The following RPH3A variants were observed in gnomAD, a reference collection of about 807,000 sequenced individuals.
RPH3A encodes rabphilin-3A.
A neutral mutation model predicts 102.2 loss-of-function variants in RPH3A; 48 were observed. The ratio of observed to expected loss-of-function variants is 0.47; its 90% CI spans 0.37 to 0.60. The LOEUF is 0.60. Among genes scored for constraint, RPH3A ranks in the 20% least tolerant of loss-of-function variants. The pLI is 0.00. For synonymous variants in RPH3A, 310 were observed against 324.3 expected (o/e 0.96, Z 0.47); for missense variants, 781 against 910.1 (o/e 0.86, Z 1.83).
intron 1 of RPH3A, among the ~76,000 whole-genome samples, chr12:112,600,786 C>G (rs1311935174): frequency 6.6e-6 from 1 of 152,078 alleles, no homozygotes; most frequent in Non-Finnish European, 1.5e-5. Context: ...ACCTCAGTAC[C>G]AATTTACTAT....
intron 1 of RPH3A, among the ~76,000 whole-genome samples, chr12:112,697,866 A>C (rs541307563): frequency 1.4e-5 from 2 of 147,458 alleles, no homozygotes; most frequent in South Asian, 4.2e-4. Flanking sequence ...ACTCCATCTC[A>C]AAAAAAAAAA....
In RPH3A at chr12:112,772,206, T is replaced by G. The variant is rs138327331; in HGVS notation, c.-139-19937T>G. Among the ~76,000 whole-genome samples, 1,292 of 152,322 alleles carry G rather than the reference T, an allele frequency of 8.5e-3. 17 individuals carry two copies. Among genetic ancestry groups the G allele is most frequent in the African/African-American group, 0.029 (1,219 of 41,568 alleles). ...TGATGCAAATCCATGTCAGTCCCTC[T>G]TCCGGCAAGTCACCCAATTCCTCCT... On this transcript the variant is annotated intron_variant, in intron 1 of 21. Transcript: ENST00000543106.
At chr12:112,637,780 C>T (rs1217237375) in intron 1 of RPH3A, among the ~76,000 whole-genome samples, 3 of 152,108 alleles carry the variant, frequency 2.0e-5, no homozygotes, top group African/African-American at 7.2e-5. Flanking sequence ...TCATCAACAG[C>T]AAGAGCAGTG....
chr12:112,762,985 AT>A (rs1441928540), intron 1 of RPH3A, among the ~76,000 whole-genome samples: 1 of 152,216 alleles, frequency 6.6e-6, no homozygotes, highest in Non-Finnish European at 1.5e-5. Context: ...GTCAAAGGTC[AT>A]TCCCCAAGGA....
chr12:112,663,957 T>C (rs929987913), intron 1 of RPH3A, among the ~76,000 whole-genome samples: 1 of 152,182 alleles, frequency 6.6e-6, no homozygotes, highest in African/African-American at 2.4e-5. Context: ...CAGACTCTGA[T>C]TGACTAATTG....
At chr12:112,862,100 A>C (rs1404685115) in intron 5 of RPH3A, among the ~76,000 whole-genome samples, 1 of 151,822 alleles carries the variant, frequency 6.6e-6, no homozygotes, top group Non-Finnish European at 1.5e-5. Context: ...CAAGAGGATC[A>C]TTTGAGACCA....
At chr12:112,713,048 T>C (rs1378202812) in intron 1 of RPH3A, among the ~76,000 whole-genome samples, 21 of 72,356 alleles carry the variant, frequency 2.9e-4, no homozygotes, top group East Asian at 7.2e-4. Context: ...TTCTTCTTCT[T>C]CTCCTTCTTC....
chr12:112,779,713 G>A (rs1250947665), intron 1 of RPH3A, among the ~76,000 whole-genome samples: 1 of 152,104 alleles, frequency 6.6e-6, no homozygotes, highest in African/African-American at 2.4e-5. Context: ...TCCACTGTAT[G>A]GAGGGTTGAA....
At chr12:112,632,955 G>T (rs1414352442) in intron 1 of RPH3A, among the ~76,000 whole-genome samples, 2 of 152,078 alleles carry the variant, frequency 1.3e-5, no homozygotes, top group Non-Finnish European at 1.5e-5. Context: ...TACTGTAGGA[G>T]GCCAAGGCAG....
In RPH3A at chr12:112,875,092, C is replaced by T. The variant is rs760123095; in HGVS notation, c.805C>T (p.Arg269Trp). ...TTTTCTTTCCTCTGCAGGTTTGAGA[C>T]GGGCCAACTCAGTCCAGGCCTCCAG... The part of the protein sequence containing the change: ...DSSRSPAGLR[R>W]ANSVQASRPA... The change falls in exon 11 of 22, where the codon CGG becomes TGG. Residue 269 changes from arginine to tryptophan, a missense_variant. This residue lies in a region of RPH3A where 730 missense variants were observed against 810.0 expected (regional missense o/e 0.90). Coordinates refer to ENST00000389385, the MANE Select transcript of RPH3A (RefSeq NM_001143854.2). 125 of 1,607,820 alleles carry T rather than the reference C, an allele frequency of 7.8e-5. No individual in the cohort carries two copies. Among genetic ancestry groups the T allele is most frequent in the East Asian group, 3.8e-4 (17 of 44,722 alleles).
intron 1 of RPH3A, among the ~76,000 whole-genome samples, chr12:112,639,190 G>T (rs941410679): frequency 2.0e-5 from 3 of 152,152 alleles, no homozygotes; most frequent in African/African-American, 7.2e-5. Flanking sequence ...GGACTGGTAA[G>T]TAGAAGGTGA....
chr12:112,734,955 G>A (rs1471441668), intron 1 of RPH3A, among the ~76,000 whole-genome samples: 1 of 152,124 alleles, frequency 6.6e-6, no homozygotes, highest in Non-Finnish European at 1.5e-5. Flanking sequence ...TGTATCTTGT[G>A]TTGACCTCCT....
At chr12:112,775,095 G>A (rs761750518) in intron 1 of RPH3A, among the ~76,000 whole-genome samples, 13 of 151,374 alleles carry the variant, frequency 8.6e-5, no homozygotes, top group Non-Finnish European at 1.6e-4. Context: ...AGGAAGGATG[G>A]TTAATGCATG....
At chr12:112,724,252 A>G (rs2040571749) in intron 1 of RPH3A, among the ~76,000 whole-genome samples, 1 of 152,032 alleles carries the variant, frequency 6.6e-6, no homozygotes, top group African/African-American at 2.4e-5. Context: ...TTTGGTAAAG[A>G]CAGGGTCTCA....
At chr12:112,660,087 C>T (rs2040039012) in intron 1 of RPH3A, among the ~76,000 whole-genome samples, 1 of 152,174 alleles carries the variant, frequency 6.6e-6, no homozygotes, top group Admixed American at 6.5e-5. Flanking sequence ...TATAAGCACA[C>T]ATACATATGT....
chr12:112,693,713 T>C (rs2040324301), intron 1 of RPH3A, among the ~76,000 whole-genome samples: 1 of 152,224 alleles, frequency 6.6e-6, no homozygotes, highest in African/African-American at 2.4e-5. Context: ...AAACTTTCCT[T>C]CCCTGATCAC....
At chr12:112,649,269 G>T (rs537237555) in intron 1 of RPH3A, 1 of 152,208 alleles carries the variant, frequency 6.6e-6, no homozygotes, top group African/African-American at 2.4e-5. Context: ...AGAGTAATGA[G>T]ATTTTCTATT....
At chr12:112,750,626 G>T (rs1004101031) in intron 1 of RPH3A, among the ~76,000 whole-genome samples, 59 of 152,150 alleles carry the variant, frequency 3.9e-4, no homozygotes, top group African/African-American at 1.3e-3. Context: ...AGAGATGGGT[G>T]GTATGTAAGA....
chr12:112,827,862 C>T (rs950751685), intron 2 of RPH3A, among the ~76,000 whole-genome samples: 5 of 148,074 alleles, frequency 3.4e-5, no homozygotes, highest in Admixed American at 2.7e-4. Flanking sequence ...CAAACCTGCA[C>T]GTTCTGCATA....
Sources: allele counts gnomAD v4.1 joint callset (sites outside exome capture counted in the v4.1 genomes callset), GRCh38; gene constraint gnomAD v4.1.1; regional missense constraint gnomAD v4.1.1; transcripts MANE v1.5; gene names NCBI Gene and HGNC (gene_info 2026-07-23, HGNC 2026-07-21).